PHLPP1: variants seen among roughly 807,000 people sequenced by gnomAD.
The protein encoded by PHLPP1 is PH domain leucine-rich repeat-containing protein phosphatase 1.
A neutral mutation model predicts 117.2 loss-of-function variants in PHLPP1; 42 were observed. The ratio of observed to expected loss-of-function variants is 0.36; its 90% CI spans 0.28 to 0.46. The LOEUF (loss-of-function observed/expected upper bound fraction) is 0.46, where lower values mean the gene tolerates loss of function less well. Ranked by LOEUF, PHLPP1 falls within the 20% of genes least tolerant of loss-of-function variation. The pLI is 1.00. For synonymous variants in PHLPP1, 1,042 were observed against 970.7 expected (o/e 1.07, Z -1.37); for missense variants, 2,084 against 2,241.9 (o/e 0.93, Z 1.42).
intron 10 of PHLPP1, among the ~76,000 whole-genome samples, chr18:62,930,917 C>T (rs915914016): frequency 4.6e-5 from 7 of 152,032 alleles, no homozygotes; most frequent in African/African-American, 1.2e-4. Flanking sequence ...GGGCCGGGTG[C>T]GGTGGCTCAT....
chr18:62,864,190 T>G (rs1915710571), intron 4 of PHLPP1, among the ~76,000 whole-genome samples: 2 of 151,998 alleles, frequency 1.3e-5, no homozygotes, highest in African/African-American at 4.8e-5. Context: ...CCCAGCTAAT[T>G]TTTGTATTTT....
chr18:62,851,416 A>G (rs1418967195), intron 3 of PHLPP1, among the ~76,000 whole-genome samples: 1 of 151,906 alleles, frequency 6.6e-6, no homozygotes, highest in East Asian at 1.9e-4. Context: ...CATAGATCCT[A>G]CCTCTCCCAC....
At chr18:62,718,568 C>T (rs1469318812) in intron 1 of PHLPP1, among the ~76,000 whole-genome samples, 1 of 152,216 alleles carries the variant, frequency 6.6e-6, no homozygotes, top group Non-Finnish European at 1.5e-5. Context: ...GTAAAGAAAA[C>T]CAAATCGTAA....
At chr18:62,782,035 GTCA>G (rs1182300800) in intron 1 of PHLPP1, among the ~76,000 whole-genome samples, 1 of 152,114 alleles carries the variant, frequency 6.6e-6, no homozygotes, top group Non-Finnish European at 1.5e-5. Flanking sequence ...TTTTGTTATG[GTCA>G]TGAATTCTCT....
chr18:62,731,261 C>T (rs1214247686), intron 1 of PHLPP1: 1 of 152,102 alleles, frequency 6.6e-6, no homozygotes, highest in African/African-American at 2.4e-5. Context: ...TGCATGTCAT[C>T]CTTGCACAGG....
chr18:62,804,517 G>A (rs1802632634), intron 1 of PHLPP1, among the ~76,000 whole-genome samples: 1 of 152,072 alleles, frequency 6.6e-6, no homozygotes, highest in Non-Finnish European at 1.5e-5. Flanking sequence ...AGGAGTTAAA[G>A]GTTGCAGTGA....
intron 10 of PHLPP1, among the ~76,000 whole-genome samples, chr18:62,939,149 C>A (rs1910058537): frequency 6.6e-6 from 1 of 151,884 alleles, no homozygotes; most frequent in Admixed American, 6.6e-5. Flanking sequence ...TGCCACCACA[C>A]CCAGCTAATA....
intron 1 of PHLPP1, among the ~76,000 whole-genome samples, chr18:62,784,648 A>G (rs1266887083): frequency 6.6e-6 from 1 of 152,242 alleles, no homozygotes; most frequent in Non-Finnish European, 1.5e-5. Flanking sequence ...TTGCAGATAT[A>G]TAACCTGCTT....
chr18:62,839,046 A>G, intron 3 of PHLPP1, 137 bp downstream of exon 3: 1 of 902,240 alleles, frequency 1.1e-6, no homozygotes, highest in Non-Finnish European at 1.6e-6. Context: ...GTGATTAGCA[A>G]TTTTTAGTTT....
At chr18:62,735,849 C>G (rs766782915) in intron 1 of PHLPP1, among the ~76,000 whole-genome samples, 1 of 151,924 alleles carries the variant, frequency 6.6e-6, no homozygotes, top group Non-Finnish European at 1.5e-5. Context: ...CAGAACCTGA[C>G]AAATGCCATA....
intron 3 of PHLPP1, among the ~76,000 whole-genome samples, chr18:62,848,162 T>C (rs1915227312): frequency 6.6e-6 from 1 of 152,172 alleles, no homozygotes; most frequent in Non-Finnish European, 1.5e-5. Context: ...GTGACCGTTA[T>C]TTTCCTTGCT....
intron 1 of PHLPP1, among the ~76,000 whole-genome samples, chr18:62,821,548 CCAAA>C (rs1222462097): frequency 5.6e-3 from 164 of 29,320 alleles, no homozygotes; most frequent in African/African-American, 0.019. Context: ...GACCCTTTAT[CCAAA>C]AAAAAAAAAA....
At chr18:62,897,111 C>G (rs1172582864) in intron 6 of PHLPP1, among the ~76,000 whole-genome samples, 1 of 152,168 alleles carries the variant, frequency 6.6e-6, no homozygotes, top group Non-Finnish European at 1.5e-5. Flanking sequence ...TTTTATTCAT[C>G]CACCAGTGGT....
chr18:62,826,158 GT>G (rs35765989), intron 1 of PHLPP1: 985 of 275,460 alleles, frequency 3.6e-3, no homozygotes, highest in South Asian at 6.3e-3. Context: ...TTATTTATTT[GT>G]TTTTTTTTTT....
chr18:62,838,785 TAGA>T lies in PHLPP1; in HGVS notation c.1781_1783del (p.Glu594del). 6.2e-7 allele frequency: 1 copy of T among 1,613,746 alleles called. No homozygotes were observed. Among genetic ancestry groups the T allele is most frequent in the Non-Finnish European group, 8.5e-7 (1 of 1,179,730 alleles). ...GCTTCTCTCTGTTTGCTTTTATAGG[TAGA>T]AGAAGTGAAAAAGCACCAACACTGT... On this transcript the variant is annotated inframe_deletion and splice_region_variant, in exon 3 of 17. Transcript: ENST00000262719.
chr18:62,868,712 T>C (rs946922534), intron 4 of PHLPP1, among the ~76,000 whole-genome samples: 2 of 152,172 alleles, frequency 1.3e-5, no homozygotes, highest in African/African-American at 2.4e-5. Context: ...TTGTTTTCAG[T>C]GACATTTATT....
At chr18:62,861,178 C>T (rs1300845185) in intron 4 of PHLPP1, among the ~76,000 whole-genome samples, 4 of 151,988 alleles carry the variant, frequency 2.6e-5, no homozygotes, top group African/African-American at 9.7e-5. Flanking sequence ...GGCATGATCT[C>T]GGCTCACTGC....
intron 1 of PHLPP1, among the ~76,000 whole-genome samples, chr18:62,750,383 T>C (rs1666471722): frequency 6.6e-6 from 1 of 152,146 alleles, no homozygotes; most frequent in Admixed American, 6.6e-5. Context: ...TCTCCCTCTC[T>C]CTCCATCCCT....
Position 62,715,627 on chromosome 18 carries a change from C to T in PHLPP1, c.-57C>T. On this transcript the variant is annotated 5_prime_UTR_variant, in exon 1 of 17. Coordinates refer to ENST00000262719, the MANE Select transcript of PHLPP1 (RefSeq NM_194449.4). ...GCCGTCTCCCACCTCCGCCTCATCG[C>T]CTCCCTCTCCGCCCGCTGCCTCCGG... 1.0e-5 allele frequency: 12 copies of T among 1,188,656 alleles called. No homozygotes were observed. The highest frequency in any genetic ancestry group is 1.3e-5 in the Non-Finnish European group (12 of 941,764). The allele number at this position is 1,188,656 out of a possible 1,614,324, so 73.6% of individuals were successfully genotyped here.
Sources: allele counts gnomAD v4.1 joint callset (sites outside exome capture counted in the v4.1 genomes callset), GRCh38; gene constraint gnomAD v4.1.1; transcripts MANE v1.5; gene names NCBI Gene and HGNC (gene_info 2026-07-23, HGNC 2026-07-21).